The following CNTNAP2 variants were observed in gnomAD, a reference collection of about 807,000 sequenced individuals.
CNTNAP2 encodes the protein contactin associated protein 2.
A neutral mutation model predicts 155.2 loss-of-function variants in CNTNAP2; 98 were observed. The ratio of observed to expected loss-of-function variants is 0.63; its 90% CI spans 0.54 to 0.75. The LOEUF (loss-of-function observed/expected upper bound fraction) is 0.75, where lower values mean the gene tolerates loss of function less well. Among genes scored for constraint, CNTNAP2 ranks in the 30% least tolerant of loss-of-function variants. The probability of loss-of-function intolerance (pLI) is 0.00; values close to 1 mark genes in which losing one functional copy is unlikely to be tolerated. For missense variants in CNTNAP2, 1,727 were observed against 1,688.1 expected, an observed-to-expected ratio of 1.02 and a Z score of -0.40; for synonymous variants, 651 against 631.2, an observed-to-expected ratio of 1.03 and a Z score of -0.47.
chr7:146,183,919 G>A (rs1798585906), intron 1 of CNTNAP2, among the ~76,000 whole-genome samples: 1 of 152,146 alleles, frequency 6.6e-6, no homozygotes, highest in Admixed American at 6.6e-5. Context: ...TTTTACTGCA[G>A]CTTGTAGTCC....
chr7:147,216,399 TG>T (rs1283539829), intron 8 of CNTNAP2, among the ~76,000 whole-genome samples: 3 of 152,106 alleles, frequency 2.0e-5, no homozygotes, highest in Admixed American at 1.3e-4. Flanking sequence ...ATTTTCTGTG[TG>T]GATGTCCAGT....
intron 1 of CNTNAP2, among the ~76,000 whole-genome samples, chr7:146,635,918 C>T (rs1799590197): frequency 1.3e-5 from 2 of 151,948 alleles, no homozygotes; most frequent in South Asian, 4.2e-4. Flanking sequence ...ATAAATGGGG[C>T]AGGAAAAAGG....
At chr7:147,142,251 A>G (rs1247968233) in intron 8 of CNTNAP2, among the ~76,000 whole-genome samples, 2 of 152,156 alleles carry the variant, frequency 1.3e-5, no homozygotes, top group Non-Finnish European at 2.9e-5. Flanking sequence ...ATGTCCCATC[A>G]ATACCTAATT....
intron 9 of CNTNAP2, among the ~76,000 whole-genome samples, chr7:147,320,641 T>C (rs1187073404): frequency 1.3e-5 from 2 of 152,146 alleles, no homozygotes; most frequent in Non-Finnish European, 2.9e-5. Flanking sequence ...AAAACCTGTT[T>C]ACTGTGAAAT....
intron 12 of CNTNAP2, among the ~76,000 whole-genome samples, chr7:147,628,299 C>T (rs1166457067): frequency 6.6e-6 from 1 of 152,158 alleles, no homozygotes; most frequent in East Asian, 1.9e-4. Flanking sequence ...AGAAACCTTA[C>T]AAGACAGAAA....
At chr7:148,347,236 G>A (rs1278668624) in intron 21 of CNTNAP2, among the ~76,000 whole-genome samples, 1 of 150,078 alleles carries the variant, frequency 6.7e-6, no homozygotes, top group Non-Finnish European at 1.5e-5. Flanking sequence ...CAGCCTGGGT[G>A]ACAGAGTGAG....
intron 13 of CNTNAP2, among the ~76,000 whole-genome samples, chr7:147,839,201 T>C (rs1315109728): frequency 6.6e-6 from 1 of 152,118 alleles, no homozygotes; most frequent in African/African-American, 2.4e-5. Context: ...TCCACCCAGA[T>C]TGAGGGTGGA....
intron 1 of CNTNAP2, among the ~76,000 whole-genome samples, chr7:146,134,562 CTTA>C (rs943240677): frequency 1.9e-3 from 282 of 150,700 alleles, no homozygotes; most frequent in African/African-American, 6.4e-3. Flanking sequence ...ATAGATAGCT[CTTA>C]TTATTTTGAA....
In CNTNAP2 at chr7:146,975,256, G is replaced by A. The variant is rs142174338; in HGVS notation, c.403-68651G>A. On this transcript the variant is annotated intron_variant, in intron 3 of 23. Coordinates refer to ENST00000361727, the MANE Select transcript of CNTNAP2 (RefSeq NM_014141.6). ...GAGGTGGATGGATCACCTGAAGTCA[G>A]GAGTTCGAGACCACCCTGGCCAACA... Among the ~76,000 whole-genome samples the A allele has an allele frequency of 3.1e-3, 468 of 152,170 alleles. 4 individuals carry two copies. The highest frequency in any genetic ancestry group is 0.011 in the African/African-American group (452 of 41,520).
intron 10 of CNTNAP2, among the ~76,000 whole-genome samples, chr7:147,453,606 A>G (rs1332258123): frequency 2.0e-5 from 3 of 152,190 alleles, no homozygotes; most frequent in African/African-American, 7.2e-5. Flanking sequence ...ACCTCAATTC[A>G]GATTATTTAA....
At chr7:147,284,690 G>A (rs1805137544) in intron 8 of CNTNAP2, among the ~76,000 whole-genome samples, 4 of 151,856 alleles carry the variant, frequency 2.6e-5, no homozygotes, top group Admixed American at 1.3e-4. Context: ...CATAAATACT[G>A]TTTTAACGTA....
In CNTNAP2 at chr7:147,562,183, C is replaced by T. The variant is rs1800076715; in HGVS notation, c.1823C>T (p.Thr608Ile). ...GAAGCCTACAAACACCTAGGACAGA[C>T]ATCAAATTATTACTGGATAGATCCT... ...SCEAYKHLGQ[T>I]SNYYWIDPDG... Residue 608 changes from threonine to isoleucine, a missense_variant, in exon 12 of 24, where the codon ACA becomes ATA. By Grantham distance (89) the Thr-to-Ile change is moderately conservative (BLOSUM62 -1). Coordinates refer to ENST00000361727, the MANE Select transcript of CNTNAP2 (RefSeq NM_014141.6). 1.2e-6 allele frequency: 2 copies of T among 1,614,006 alleles called. No individual in the cohort carries two copies. The highest frequency in any genetic ancestry group is 1.7e-6 in the Non-Finnish European group (2 of 1,179,916).
chr7:147,049,797 A>G (rs1215885160), intron 4 of CNTNAP2, among the ~76,000 whole-genome samples: 1 of 152,154 alleles, frequency 6.6e-6, no homozygotes, highest in Non-Finnish European at 1.5e-5. Context: ...CAATGTGAGC[A>G]CTGTTTCTGT....
At chr7:146,378,119 G>C (rs1244754405) in intron 1 of CNTNAP2, among the ~76,000 whole-genome samples, 1 of 152,160 alleles carries the variant, frequency 6.6e-6, no homozygotes, top group East Asian at 1.9e-4. Context: ...TCAGTGCTTG[G>C]AGAGTAGGTG....
intron 8 of CNTNAP2, among the ~76,000 whole-genome samples, chr7:147,160,325 T>C (rs577715850): frequency 6.6e-6 from 1 of 152,234 alleles, no homozygotes; most frequent in Non-Finnish European, 1.5e-5. Flanking sequence ...CAAATTTGTT[T>C]ATCAAATTAT....
intron 5 of CNTNAP2, among the ~76,000 whole-genome samples, chr7:147,118,212 A>T (rs555099603): frequency 6.6e-6 from 1 of 152,168 alleles, no homozygotes; most frequent in Non-Finnish European, 1.5e-5. Context: ...TTGTTCTGCA[A>T]GTCAGAAAAT....
At chr7:146,597,369 A>T (rs1232119715) in intron 1 of CNTNAP2, among the ~76,000 whole-genome samples, 1 of 152,050 alleles carries the variant, frequency 6.6e-6, no homozygotes, top group Non-Finnish European at 1.5e-5. Context: ...TGGCTTTAGA[A>T]ATAAAATAAA....
chr7:148,092,635 A>T (rs969679790), intron 15 of CNTNAP2, among the ~76,000 whole-genome samples: 5 of 152,152 alleles, frequency 3.3e-5, no homozygotes, highest in Non-Finnish European at 7.4e-5. Flanking sequence ...ACTGTGATTT[A>T]AAAATCCTCC....
chr7:146,477,535 A>G (rs1563099302), intron 1 of CNTNAP2, among the ~76,000 whole-genome samples: 1 of 151,466 alleles, frequency 6.6e-6, no homozygotes, highest in Non-Finnish European at 1.5e-5. Context: ...TACTGGATTA[A>G]TCTCAACCAT....
Sources: allele counts gnomAD v4.1 joint callset (sites outside exome capture counted in the v4.1 genomes callset), GRCh38; gene constraint gnomAD v4.1.1; transcripts MANE v1.5; gene names NCBI Gene and HGNC (gene_info 2026-07-23, HGNC 2026-07-21).